The following COL1A1 variants were observed in gnomAD, a reference collection of about 807,000 sequenced individuals.
COL1A1 encodes collagen alpha-1(I) chain.
A neutral mutation model predicts 195.7 loss-of-function variants in COL1A1; 21 were observed. The ratio of observed to expected loss-of-function variants is 0.11; its 90% CI spans 0.08 to 0.15. The LOEUF (loss-of-function observed/expected upper bound fraction) is 0.15. Among genes scored for constraint, COL1A1 ranks in the 10% least tolerant of loss-of-function variants. COL1A1 has a pLI of 1.00. For missense variants in COL1A1, 1,365 were observed against 2,051.0 expected (o/e 0.67, Z 6.46); for synonymous variants, 749 against 747.3 (o/e 1.00, Z -0.04).
chr17:50,186,611 G>A lies in COL1A1; in HGVS notation c.3814+29C>T, dbSNP rs1052652342. ...GGACCCTGGCATGGCAGGAGTAGGA[G>A]GGAGGGAGAGGCTAGGGCAGGCCCT... On this transcript the variant is annotated intron_variant, in intron 48 of 50. Transcript: ENST00000225964. The surrounding 1 kb of genome is among the most constrained non-coding windows in gnomAD (Gnocchi z 5.3). The A allele has an allele frequency of 6.2e-7, 1 of 1,613,228 alleles. No individual in the cohort carries two copies. Among genetic ancestry groups the A allele is most frequent in the African/African-American group, 1.3e-5 (1 of 74,898 alleles).
rs567709160 is a variant in COL1A1 at position 50,191,705 on chromosome 17, C to T, written c.2127+83G>A. 2.1e-4 allele frequency: 310 copies of T among 1,466,592 alleles called. 1 individual carries two copies. Among genetic ancestry groups the T allele is most frequent in the Non-Finnish European group, 1.8e-4 (196 of 1,074,950 alleles). 90.8% of individuals were successfully genotyped at this position (1,466,592 alleles called of 1,614,324 possible). A position where few individuals can be genotyped will look rare whatever the true frequency, so the allele number is the denominator to read the frequency against. On this transcript the variant is annotated intron_variant, in intron 31 of 50. Transcript: ENST00000225964. ...CACACCCTATCTCCATGGCTTTGGT[C>T]ATGGCCCGCCATCCCCTGCTGCAGG...
chr17:50,190,005 G>A lies in COL1A1; in HGVS notation c.2555C>T (p.Pro852Leu). The change falls in exon 36 of 51, where the codon CCC becomes CTC. Residue 852 changes from proline (P) to leucine (L), a missense_variant. Coordinates refer to ENST00000225964, the MANE Select transcript of COL1A1 (RefSeq NM_000088.4). This position sits in a 1 kb window ranked among gnomAD's most constrained non-coding sequence, Gnocchi z 4.7. ...ACAGAGGGCCAAGCCACTCACAATG[G>A]GGCCAGGGGGTCCAGCGGGTCCGGC... ...GPAGPAGPPGPIGNVGAPGAK... is the reference protein window; with the variant it reads ...GPAGPAGPPGLIGNVGAPGAK... 1 of 1,613,440 alleles carries A rather than the reference G, an allele frequency of 6.2e-7. No individual in the cohort carries two copies. The highest frequency in any genetic ancestry group is 1.1e-5 in the South Asian group (1 of 91,056).
intron 25 of COL1A1, 29 bp from the exon 26 acceptor site, chr17:50,193,076 G>C (rs1189240643): frequency 1.9e-6 from 3 of 1,612,036 alleles, no homozygotes; most frequent in African/African-American, 2.7e-5. Context: ...AGGGTTGAGG[G>C]GGCTGAAGTG....
intron 46 of COL1A1, 77 bp from the exon 47 acceptor site, chr17:50,187,199 C>T: frequency 8.2e-7 from 1 of 1,218,722 alleles, no homozygotes; most frequent in Non-Finnish European, 1.2e-6. Flanking sequence ...GGCCCACCAC[C>T]CTCCCTGCTG....
Position 50,184,495 on chromosome 17 carries a change from G to T in COL1A1, c.*1007C>A. 4.9e-6 allele frequency: 1 copy of T among 202,642 alleles called. No homozygotes were observed. 12.6% of individuals were successfully genotyped at this position (202,642 alleles called of 1,614,324 possible). On this transcript the variant is annotated 3_prime_UTR_variant, in exon 51 of 51. Transcript: ENST00000225964. ...ATCCACAAAAAAAAAAAAAAAAAAA[G>T]AAAAATATCAAGGAATAAAAATAGA...
At position 50,185,276 on chromosome 17, in the gene COL1A1, T is replaced by TTTA; in HGVS notation, c.*225_*226insTAA. On this transcript the variant is annotated 3_prime_UTR_variant, in exon 51 of 51. Transcript: ENST00000225964. ...TTTATTCTTTTTTTTTTTTTTTTTTTGGTAAGGTTGAATGCACTTTTGGTT... is the reference window on the plus strand; with the variant it reads ...TTTATTCTTTTTTTTTTTTTTTTTTTTTAGGTAAGGTTGAATGCACTTTTGGTT... 3.1e-6 allele frequency: 1 copy of TTTA among 327,396 alleles called. No homozygotes were observed. Among genetic ancestry groups the TTTA allele is most frequent in the Non-Finnish European group, 5.6e-6 (1 of 178,214 alleles). 20.3% of individuals were successfully genotyped at this position (327,396 alleles called of 1,614,324 possible). A position where few individuals can be genotyped will look rare whatever the true frequency, so the allele number is the denominator to read the frequency against.
Position 50,194,117 on chromosome 17 carries a change from G to A in COL1A1, c.1668+13C>T, listed in dbSNP as rs1907346296. ...AGGACAATGGCAGGGGGTTCAGGGG[G>A]AGTGATACTTACAGGGGGGCCAGTT... On this transcript the variant is annotated intron_variant, in intron 24 of 50. Coordinates refer to ENST00000225964, the MANE Select transcript of COL1A1 (RefSeq NM_000088.4). The surrounding 1 kb of genome is among the most constrained non-coding windows in gnomAD (Gnocchi z 6.8). The A allele has an allele frequency of 6.2e-6, 10 of 1,613,010 alleles. No individual in the cohort carries two copies. The highest frequency in any genetic ancestry group is 8.5e-6 in the Non-Finnish European group (10 of 1,179,304).
chr17:50,185,580 G>A lies in COL1A1; in HGVS notation c.4317C>T (p.Ile1439=). ...CAACGTCCAAGGGGGCCACATCGATGATGGGCAGGCGGGAGGTCTTGGTGG... is the reference window on the plus strand; with the variant it reads ...CAACGTCCAAGGGGGCCACATCGATAATGGGCAGGCGGGAGGTCTTGGTGG... ...YKTTKTSRLP[I]IDVAPLDVGA... Residue 1439 remains isoleucine, a synonymous_variant, in exon 51 of 51, where the codon ATC becomes ATT. Transcript: ENST00000225964. 6.2e-7 allele frequency: 1 copy of A among 1,613,978 alleles called. No homozygotes were observed. Among genetic ancestry groups the A allele is most frequent in the Non-Finnish European group, 8.5e-7 (1 of 1,179,996 alleles).
intron 25 of COL1A1, 76 bp from the exon 26 acceptor site, chr17:50,193,123 G>A: frequency 2.1e-6 from 3 of 1,431,724 alleles, no homozygotes; most frequent in Non-Finnish European, 2.9e-6. Context: ...CATTTACTCT[G>A]AGTGGGACTT....
Position 50,191,482 on chromosome 17 carries a change from A to C in COL1A1, c.2136T>G (p.Ala712=), listed in dbSNP as rs762156466. The C allele has an allele frequency of 2.5e-6, 4 of 1,613,942 alleles. No homozygotes were observed. In the African/African-American group the frequency reaches 5.3e-5, roughly 22 times the overall value. The part of the protein sequence containing the change: ...APGNDGAKGD[A]GAPGAPGSQG... ...GGCTACCGGGAGCTCCAGGGGCACC[A>C]GCATCACCCTATGTGACAACCAAGA... Residue 712 remains alanine (A), a synonymous_variant, in exon 32 of 51, where the codon GCT becomes GCG. Transcript: ENST00000225964.
chr17:50,188,044 T>G lies in COL1A1; in HGVS notation c.3261+52A>C, dbSNP rs902030974. On this transcript the variant is annotated intron_variant, in intron 44 of 50. Coordinates refer to ENST00000225964, the MANE Select transcript of COL1A1 (RefSeq NM_000088.4). This position sits in a 1 kb window ranked among gnomAD's most constrained non-coding sequence, Gnocchi z 5.6. The stretch of plus-strand genomic sequence containing the variant: ...GTTCCATTGGCATCGAGTGGGGCAC[T>G]GTCTGCATCTGTAGAGTTCTAAAGG... The G allele has an allele frequency of 1.4e-5, 23 of 1,613,484 alleles. No homozygotes were observed. The highest frequency in any genetic ancestry group is 1.9e-5 in the Non-Finnish European group (23 of 1,179,598).
chr17:50,191,928 T>C, intron 30 of COL1A1, 42 bp from the exon 31 acceptor site: 7 of 1,608,474 alleles, frequency 4.4e-6, no homozygotes, highest in Non-Finnish European at 5.9e-6. Flanking sequence ...GCTCTGGAGA[T>C]AGGGCCAAGT....
In COL1A1 at chr17:50,193,085, T is replaced by C. The variant is rs561777872; in HGVS notation, c.1768-38A>G. 1.9e-5 allele frequency: 30 copies of C among 1,608,836 alleles called. No homozygotes were observed. In the South Asian group the frequency reaches 3.0e-4, roughly 16 times the overall value. ...GGAGTTAGGGTTGAGGGGGCTGAAGTGAGAAGCCAGGGCCTCCTGGGGCCT... is the reference window on the plus strand; with the variant it reads ...GGAGTTAGGGTTGAGGGGGCTGAAGCGAGAAGCCAGGGCCTCCTGGGGCCT... On this transcript the variant is annotated intron_variant, in intron 25 of 50. Transcript: ENST00000225964.
rs959444558 is a variant in COL1A1, at chr17:50,200,393, C to T, written c.104-446G>A. On this transcript the variant is annotated intron_variant, in intron 1 of 50. Coordinates refer to ENST00000225964, the MANE Select transcript of COL1A1 (RefSeq NM_000088.4). ...GTCCAGCCCTCATCCCGCCCCCATT[C>T]CCTGGGCAGGTGGGGTGGCGGGGGC... is the stretch of plus-strand genomic sequence containing the variant. Among the ~76,000 whole-genome samples, 4 of 152,126 alleles carry T rather than the reference C, an allele frequency of 2.6e-5. No homozygotes were observed. The East Asian group carries it at 7.7e-4, about 29-fold the overall frequency.
At chr17:50,192,079 C>G (rs1468669263) in intron 29 of COL1A1, 55 bp from the exon 30 acceptor site, 1 of 1,582,562 alleles carries the variant, frequency 6.3e-7, no homozygotes, top group Non-Finnish European at 8.6e-7. Flanking sequence ...TGGGGCCACT[C>G]TGCTGGAAAG....
At position 50,191,364 on chromosome 17, in the gene COL1A1, G is replaced by A; in HGVS notation, c.2235+19C>T. The A allele has an allele frequency of 6.2e-7, 1 of 1,603,598 alleles. No homozygotes were observed. The highest frequency in any genetic ancestry group is 1.1e-5 in the South Asian group (1 of 90,858). On this transcript the variant is annotated intron_variant, in intron 32 of 50. Transcript: ENST00000225964. ...TGGGAGCCATGTAGGGCTCAGGGGA[G>A]GGGGAAGGTTGAACTTACTCTGTCA...
chr17:50,199,963 G>T lies in COL1A1; in HGVS notation c.104-16C>A. ...ATTGGTGGGACTGGGACAGGCGGAA[G>T]AGGGGCGTTGTCAGTAGTGACTGCA... On this transcript the variant is annotated splice_polypyrimidine_tract_variant and intron_variant, in intron 1 of 50. Coordinates refer to ENST00000225964, the MANE Select transcript of COL1A1 (RefSeq NM_000088.4). 1 of 1,613,874 alleles carries T rather than the reference G, an allele frequency of 6.2e-7. No homozygotes were observed. Among genetic ancestry groups the T allele is most frequent in the Non-Finnish European group, 8.5e-7 (1 of 1,179,912 alleles).
rs193922146 is a variant in COL1A1 at position 50,190,941 on chromosome 17, G to C, written c.2236-17C>G. 1,497 of 1,610,566 alleles carry C rather than the reference G, an allele frequency of 9.3e-4. 6 individuals carry two copies. The highest frequency in any genetic ancestry group is 9.3e-4 in the Non-Finnish European group (1,096 of 1,177,018). Reference sequence around the variant, plus strand: ...AGCATCACCCTAAAGACATGGATAAGCTTGAGATTTCCAGTGTGGGGCAAG... The same window carrying C: ...AGCATCACCCTAAAGACATGGATAACCTTGAGATTTCCAGTGTGGGGCAAG... On this transcript the variant is annotated splice_polypyrimidine_tract_variant and intron_variant, in intron 32 of 50. Coordinates refer to ENST00000225964, the MANE Select transcript of COL1A1 (RefSeq NM_000088.4). The surrounding 1 kb of genome is among the most constrained non-coding windows in gnomAD (Gnocchi z 4.7).
rs1201737273 is a variant in COL1A1 at position 50,188,493 on chromosome 17, C to T, written c.3207+37G>A. 4 of 1,600,288 alleles carry T rather than the reference C, an allele frequency of 2.5e-6. No individual in the cohort carries two copies. In the African/African-American group the frequency reaches 5.4e-5, roughly 21 times the overall value. ...TAAGGAGGCCTGAAGAGTCCCTGGC[C>T]TGACCAGGTACAGGGAACTGGAGCC... On this transcript the variant is annotated intron_variant, in intron 43 of 50. Transcript: ENST00000225964. The surrounding 1 kb of genome is among the most constrained non-coding windows in gnomAD (Gnocchi z 5.6).
Sources: gnomAD v4.1 joint callset for allele counts (sites outside exome capture counted in the v4.1 genomes callset) on GRCh38, gnomAD v4.1.1 for gene constraint, Gnocchi (gnomAD v3.1) non-coding constraint, MANE v1.5 for transcripts, NCBI Gene and HGNC (gene_info 2026-07-23, HGNC 2026-07-21) for gene names.